Variants in FANK1 observed in about 807,000 individuals in gnomAD.
The protein encoded by FANK1 is fibronectin type III and ankyrin repeat domains 1.
In FANK1, 44 loss-of-function variants were observed where a neutral mutation model predicts 45.3. The ratio of observed to expected loss-of-function variants is 0.97; its 90% confidence interval spans 0.76 to 1.25. FANK1 has a LOEUF of 1.25. Ranked by LOEUF, FANK1 falls within the 50% of genes most tolerant of loss-of-function variation. FANK1 has a pLI of 0.00. For synonymous variants in FANK1, 149 were observed against 152.5 expected (o/e 0.98, Z 0.17); for missense variants, 391 against 424.4 (o/e 0.92, Z 0.69).
intron 1 of FANK1, among the ~76,000 whole-genome samples, chr10:125,934,905 C>T (rs1328985843): frequency 6.6e-6 from 1 of 152,046 alleles, no homozygotes. Context: ...GCAGCTGGTG[C>T]CTGCCCTGCA....
At chr10:125,923,550 CAG>C (rs1007862607) in intron 1 of FANK1, among the ~76,000 whole-genome samples, 21 of 151,840 alleles carry the variant, frequency 1.4e-4, no homozygotes, top group African/African-American at 5.1e-4. Context: ...TTATTTGAGA[CAG>C]GGTCTCACTC....
chr10:126,009,425 C>T lies in FANK1; in HGVS notation c.1025C>T (p.Ser342Phe), dbSNP rs915381654. The T allele has an allele frequency of 3.7e-6, 6 of 1,614,120 alleles. No individual in the cohort carries two copies. Among genetic ancestry groups the T allele is most frequent in the Non-Finnish European group, 5.1e-6 (6 of 1,180,034 alleles). The change falls in exon 11 of 11, where the codon TCT becomes TTT. Residue 342 changes from serine to phenylalanine, a missense_variant. Ser to Phe is a radical substitution (Grantham distance 155). Coordinates refer to ENST00000368693, the MANE Select transcript of FANK1 (RefSeq NM_145235.5). ...ERKKKQRPKK[S>F]CVC The stretch of plus-strand genomic sequence containing the variant: ...AAAAAAAAGCAGAGGCCAAAGAAGT[C>T]TTGTGTCTGCTGATGAGAGCACCAC...
chr10:125,918,567 AAAAAAAAAAAAAAAAAAAAT>A, intron 1 of FANK1, among the ~76,000 whole-genome samples: 2 of 118,934 alleles, frequency 1.7e-5, no homozygotes, highest in Admixed American at 1.7e-4. Context: ...AAAAAAAAAA[AAAAAAAAAAAAAAAAAAAAT>A]ATATATATAT....
At chr10:125,917,008 T>G (rs1187783294) in intron 1 of FANK1, among the ~76,000 whole-genome samples, 2 of 152,262 alleles carry the variant, frequency 1.3e-5, no homozygotes, top group African/African-American at 2.4e-5. Context: ...TACCCCTTTT[T>G]GTCCTCTCAC....
chr10:125,968,980 T>C (rs547175723), intron 1 of FANK1, among the ~76,000 whole-genome samples: 1 of 152,320 alleles, frequency 6.6e-6, no homozygotes, highest in Admixed American at 6.5e-5. Flanking sequence ...GGCATAAAAT[T>C]GTTTTATTTG....
chr10:125,964,186 C>CTT (rs71486557), intron 1 of FANK1, among the ~76,000 whole-genome samples: 3,083 of 78,428 alleles, frequency 0.039, 66 homozygotes, highest in African/African-American at 0.057. Context: ...TTCTCTCTCT[C>CTT]TTTTTTTTTT....
chr10:125,911,329 G>A (rs1482621570), intron 1 of FANK1, among the ~76,000 whole-genome samples: 3 of 152,214 alleles, frequency 2.0e-5, no homozygotes, highest in African/African-American at 4.8e-5. Context: ...CTCCCCTAGA[G>A]CCTCCAGAAG....
At chr10:125,997,637 CAAAAGCTGG>C in intron 6 of FANK1, 152 bp downstream of exon 6, 1 of 681,142 alleles carries the variant, frequency 1.5e-6, no homozygotes, top group South Asian at 2.0e-5. Context: ...ATGGTGATCA[CAAAAGCTGG>C]CTTGCTCACA....
At chr10:125,975,540 T>C (rs1950804708) in intron 1 of FANK1, among the ~76,000 whole-genome samples, 1 of 152,192 alleles carries the variant, frequency 6.6e-6, no homozygotes, top group African/African-American at 2.4e-5. Context: ...TTCTGACTGG[T>C]GTGAGATGGC....
chr10:125,962,460 C>T (rs1405833932), intron 1 of FANK1, among the ~76,000 whole-genome samples: 1 of 152,112 alleles, frequency 6.6e-6, no homozygotes, highest in African/African-American at 2.4e-5. Context: ...GTATGTTAGA[C>T]TGCTTGATAT....
intron 1 of FANK1, among the ~76,000 whole-genome samples, chr10:125,930,647 G>A (rs1947692246): frequency 6.6e-6 from 1 of 151,968 alleles, no homozygotes; most frequent in South Asian, 2.1e-4. Context: ...CATCTTCATT[G>A]TTCTTCAGTG....
At chr10:125,951,501 A>G (rs1564906357) in intron 1 of FANK1, among the ~76,000 whole-genome samples, 1 of 152,194 alleles carries the variant, frequency 6.6e-6, no homozygotes, top group Non-Finnish European at 1.5e-5. Flanking sequence ...AAGTCAACAC[A>G]TTCATTGAAA....
At chr10:125,916,142 A>G (rs1420357740) in intron 1 of FANK1, among the ~76,000 whole-genome samples, 1 of 151,952 alleles carries the variant, frequency 6.6e-6, no homozygotes, top group Non-Finnish European at 1.5e-5. Flanking sequence ...ACTTCAAGTG[A>G]TTCTCCTGCC....
chr10:125,965,811 C>T (rs1950174799), intron 1 of FANK1, among the ~76,000 whole-genome samples: 1 of 152,206 alleles, frequency 6.6e-6, no homozygotes, highest in Admixed American at 6.5e-5. Flanking sequence ...TCCTTCTTTG[C>T]CTACTACCTG....
chr10:125,918,355 A>G (rs1254704086), intron 1 of FANK1, among the ~76,000 whole-genome samples: 2 of 152,006 alleles, frequency 1.3e-5, no homozygotes, highest in East Asian at 3.9e-4. Context: ...CAAGAGATCA[A>G]GACCATCCTG....
At chr10:125,952,192 T>G (rs571361670) in intron 1 of FANK1, among the ~76,000 whole-genome samples, 1 of 152,152 alleles carries the variant, frequency 6.6e-6, no homozygotes, top group South Asian at 2.1e-4. Context: ...TTTCATGTGA[T>G]TTGCTTTAAA....
intron 2 of FANK1, among the ~76,000 whole-genome samples, chr10:125,987,079 A>C (rs746878941): frequency 6.6e-6 from 1 of 152,164 alleles, no homozygotes; most frequent in Non-Finnish European, 1.5e-5. Context: ...TAACTCCAGC[A>C]CTGTCATTTC....
chr10:125,943,910 G>A (rs924270089), intron 1 of FANK1, among the ~76,000 whole-genome samples: 15 of 152,196 alleles, frequency 9.9e-5, no homozygotes, highest in South Asian at 2.1e-4. Flanking sequence ...GTGATAAAGC[G>A]AACTGCGTCC....
At position 125,980,347 on chromosome 10, in the gene FANK1, A is replaced by G. The variant is rs769405893; in HGVS notation, c.191+9A>G. On this transcript the variant is annotated intron_variant, in intron 2 of 10. Transcript: ENST00000368693. The stretch of plus-strand genomic sequence containing the variant: ...TATGGTATCATTTATACGTAGGTGC[A>G]GTGTTGAATTGCTTGCCACTTTGCC... 2 of 1,606,052 alleles carry G rather than the reference A, an allele frequency of 1.2e-6. No individual in the cohort carries two copies. The highest frequency in any genetic ancestry group is 3.4e-5 in the Admixed American group (2 of 58,054).
Sources: gnomAD v4.1 joint callset for allele counts (sites outside exome capture counted in the v4.1 genomes callset) on GRCh38, gnomAD v4.1.1 for gene constraint, MANE v1.5 for transcripts, NCBI Gene and HGNC (gene_info 2026-07-23, HGNC 2026-07-21) for gene names.